RIMS1: variants seen among roughly 807,000 people sequenced by gnomAD.
RIMS1 encodes the protein regulating synaptic membrane exocytosis protein 1.
In RIMS1, 83 loss-of-function variants were observed where a neutral mutation model predicts 214.1. That is an observed-to-expected ratio of 0.39 (90% CI 0.32 to 0.47). RIMS1 has a LOEUF of 0.47. Among genes scored for constraint, RIMS1 ranks in the 20% least tolerant of loss-of-function variants. RIMS1 has a pLI of 0.99. For synonymous variants in RIMS1, 793 were observed against 786.8 expected, an observed-to-expected ratio of 1.01 and a Z score of -0.13; for missense variants, 2,050 against 2,161.8, an observed-to-expected ratio of 0.95 and a Z score of 1.03.
chr6:72,322,325 G>T (rs1171896190), intron 28 of RIMS1, among the ~76,000 whole-genome samples: 1 of 152,034 alleles, frequency 6.6e-6, no homozygotes, highest in Non-Finnish European at 1.5e-5. Context: ...AGGGTATTGG[G>T]GGACTGTATA....
intron 6 of RIMS1, among the ~76,000 whole-genome samples, chr6:72,214,302 T>C (rs1221529137): frequency 6.6e-6 from 1 of 152,142 alleles, no homozygotes; most frequent in Non-Finnish European, 1.5e-5. Flanking sequence ...CAAATTGCAT[T>C]TCTAACAGAA....
At chr6:72,271,282 A>ATATATAT (rs751448635) in intron 22 of RIMS1, among the ~76,000 whole-genome samples, 7 of 68,332 alleles carry the variant, frequency 1.0e-4, no homozygotes, top group Non-Finnish European at 1.4e-4. Context: ...AAAAAAAAAA[A>ATATATAT]AAAAATATAT....
At chr6:72,359,806 A>G (rs1392113251) in intron 29 of RIMS1, among the ~76,000 whole-genome samples, 1 of 152,188 alleles carries the variant, frequency 6.6e-6, no homozygotes, top group African/African-American at 2.4e-5. Flanking sequence ...TTTGAGTTTC[A>G]AAATACGTTA....
At position 71,992,630 on chromosome 6, in the gene RIMS1, C is replaced by T. The variant is rs537943811; in HGVS notation, c.245+23567C>T. 1.1e-3 allele frequency among the ~76,000 whole-genome samples: 129 copies of T among 121,216 alleles called. 1 individual carries two copies. Among genetic ancestry groups the T allele is most frequent in the African/African-American group, 2.5e-3 (82 of 33,460 alleles). The allele number at this position is 121,216 out of a possible 152,430, so 79.5% of individuals were successfully genotyped here. Reference sequence around the variant, plus strand: ...CTTCTCCTTCTTCTTCTTCTTCTTCCTCTTCTTCCTCTTCCTCTTCTTTTT... The same window carrying T: ...CTTCTCCTTCTTCTTCTTCTTCTTCTTCTTCTTCCTCTTCCTCTTCTTTTT... On this transcript the variant is annotated intron_variant, in intron 2 of 33. Coordinates refer to ENST00000521978, the MANE Select transcript of RIMS1 (RefSeq NM_014989.7).
chr6:72,032,920 G>T (rs576213788), intron 2 of RIMS1, among the ~76,000 whole-genome samples: 1 of 152,200 alleles, frequency 6.6e-6, no homozygotes, highest in Non-Finnish European at 1.5e-5. Flanking sequence ...AGTACTGAAG[G>T]GTATATAAAA....
chr6:71,902,929 G>T (rs1774141447), intron 1 of RIMS1, among the ~76,000 whole-genome samples: 1 of 152,090 alleles, frequency 6.6e-6, no homozygotes, highest in African/African-American at 2.4e-5. Context: ...GTCTATCACT[G>T]GTGGCCATTT....
chr6:72,393,490 C>T (rs1340773771), intron 31 of RIMS1, among the ~76,000 whole-genome samples: 1 of 152,006 alleles, frequency 6.6e-6, no homozygotes, highest in East Asian at 1.9e-4. Flanking sequence ...TTTGGGAGGC[C>T]GAGACAGGCG....
At chr6:72,339,724 G>T (rs1372894468) in intron 29 of RIMS1, among the ~76,000 whole-genome samples, 1 of 152,008 alleles carries the variant, frequency 6.6e-6, no homozygotes, top group Non-Finnish European at 1.5e-5. Flanking sequence ...TTGCTATTGT[G>T]AATAGTGCCG....
At chr6:72,104,877 G>C (rs1471491094) in intron 4 of RIMS1, among the ~76,000 whole-genome samples, 1 of 152,080 alleles carries the variant, frequency 6.6e-6, no homozygotes, top group African/African-American at 2.4e-5. Flanking sequence ...CCAGTCTGGA[G>C]TTACTCAAAT....
chr6:72,001,261 C>T (rs780201159), intron 2 of RIMS1, among the ~76,000 whole-genome samples: 6 of 152,148 alleles, frequency 3.9e-5, no homozygotes, highest in Non-Finnish European at 5.9e-5. Flanking sequence ...AGTCTTCATC[C>T]TCATGCATTC....
chr6:72,294,139 T>C (rs1178266393), intron 26 of RIMS1, among the ~76,000 whole-genome samples: 1 of 151,746 alleles, frequency 6.6e-6, no homozygotes, highest in Non-Finnish European at 1.5e-5. Flanking sequence ...TCTGCCATCA[T>C]CTTTTTATGG....
chr6:71,917,885 T>G (rs1320537921), intron 1 of RIMS1, among the ~76,000 whole-genome samples: 1 of 152,188 alleles, frequency 6.6e-6, no homozygotes, highest in Admixed American at 6.6e-5. Context: ...GAGTCTATGA[T>G]GTTTCCACTT....
chr6:72,066,709 T>G (rs62409478), intron 2 of RIMS1, among the ~76,000 whole-genome samples: 65,149 of 151,836 alleles, frequency 0.43, 15,209 homozygotes, highest in Non-Finnish European at 0.52. Flanking sequence ...TTTCCCGAGG[T>G]CCCAATACTT....
At chr6:72,063,041 T>A (rs1828320884) in intron 2 of RIMS1, among the ~76,000 whole-genome samples, 1 of 152,148 alleles carries the variant, frequency 6.6e-6, no homozygotes, top group African/African-American at 2.4e-5. Flanking sequence ...CAACATATCT[T>A]TTTTTGGGAG....
At chr6:72,189,775 C>A (rs1056339241) in intron 6 of RIMS1, among the ~76,000 whole-genome samples, 1 of 152,220 alleles carries the variant, frequency 6.6e-6, no homozygotes, top group Non-Finnish European at 1.5e-5. Context: ...GTTCATGGGC[C>A]CATTGGGCGA....
intron 31 of RIMS1, among the ~76,000 whole-genome samples, chr6:72,396,265 T>A (rs1262721877): frequency 1.3e-5 from 2 of 152,202 alleles, no homozygotes; most frequent in African/African-American, 4.8e-5. Flanking sequence ...CTGTTAACGT[T>A]TCTACAAAAC....
At chr6:72,071,430 T>C (rs1830563262) in intron 2 of RIMS1, among the ~76,000 whole-genome samples, 1 of 151,896 alleles carries the variant, frequency 6.6e-6, no homozygotes, top group African/African-American at 2.4e-5. Context: ...AAAGAAAACT[T>C]GGAGAAACAG....
intron 29 of RIMS1, among the ~76,000 whole-genome samples, chr6:72,351,096 A>G (rs767710656): frequency 2.6e-5 from 4 of 152,110 alleles, no homozygotes; most frequent in African/African-American, 9.7e-5. Context: ...TACATGGTAT[A>G]TGAAATGTAA....
intron 2 of RIMS1, among the ~76,000 whole-genome samples, chr6:72,080,074 T>TAAAA (rs770845471): frequency 1.2e-3 from 26 of 22,406 alleles, no homozygotes; most frequent in Middle Eastern, 0.071. Context: ...GTGTCTCTAC[T>TAAAA]AAAAAAAAAA....
Sources: allele counts gnomAD v4.1 joint callset (sites outside exome capture counted in the v4.1 genomes callset), GRCh38; gene constraint gnomAD v4.1.1; transcripts MANE v1.5; gene names NCBI Gene and HGNC (gene_info 2026-07-23, HGNC 2026-07-21).